FMN2: variants seen among roughly 807,000 people sequenced by gnomAD.
FMN2 encodes formin 2.
Under a neutral mutation model 142.3 loss-of-function variants are expected in FMN2, and 51 were observed. That is an observed-to-expected ratio of 0.36 (90% CI 0.29 to 0.45). The LOEUF is 0.45. FMN2 is among the 20% of genes least tolerant of loss of function. The pLI is 1.00. For synonymous variants in FMN2, 882 were observed against 869.8 expected, an observed-to-expected ratio of 1.01 and a Z score of -0.25; for missense variants, 1,936 against 2,122.8, an observed-to-expected ratio of 0.91 and a Z score of 1.73.
At chr1:240,268,655 A>G (rs1377989851) in intron 7 of FMN2, among the ~76,000 whole-genome samples, 1 of 152,016 alleles carries the variant, frequency 6.6e-6, no homozygotes, top group African/African-American at 2.4e-5. Flanking sequence ...TTGCTTTGAC[A>G]TTTTATTTTT....
In FMN2 at chr1:240,093,183, C is replaced by T. The variant is rs533630196; in HGVS notation, c.1074C>T (p.Pro358=). The T allele has an allele frequency of 1.4e-6, 2 of 1,466,636 alleles. No individual in the cohort carries two copies. The highest frequency in any genetic ancestry group is 2.8e-5 in the South Asian group (2 of 72,092). 90.9% of individuals were successfully genotyped at this position (1,466,636 alleles called of 1,614,324 possible). ...EGEEDAFEDA[P]RGSPGEEWAP... is the part of the protein sequence containing the mutation. ...AGGAGGATGCTTTTGAGGATGCGCC[C>T]CGGGGCTCTCCGGGGGAGGAGTGGG... is the stretch of plus-strand genomic sequence containing the variant. The change falls in exon 1 of 18, where the codon CCC becomes CCT. Residue 358 remains proline (P), a synonymous_variant. Transcript: ENST00000319653.
chr1:240,467,842 A>C (rs889599480), intron 16 of FMN2, among the ~76,000 whole-genome samples: 1 of 152,228 alleles, frequency 6.6e-6, no homozygotes, highest in Non-Finnish European at 1.5e-5. Context: ...AAATATTAAA[A>C]TAAACATCAA....
chr1:240,326,085 C>T (rs1285379206), intron 8 of FMN2, among the ~76,000 whole-genome samples: 1 of 151,982 alleles, frequency 6.6e-6, no homozygotes, highest in African/African-American at 2.4e-5. Context: ...CCATAAATAG[C>T]AAGAATTGAC....
At chr1:240,265,080 G>A (rs1211974393) in intron 7 of FMN2, among the ~76,000 whole-genome samples, 1 of 152,174 alleles carries the variant, frequency 6.6e-6, no homozygotes, top group Non-Finnish European at 1.5e-5. Flanking sequence ...AATGAAGCAT[G>A]TGTTACCTAA....
intron 7 of FMN2, among the ~76,000 whole-genome samples, chr1:240,290,964 C>G (rs1572160323): frequency 6.6e-6 from 1 of 151,698 alleles, no homozygotes. Flanking sequence ...CAGGCATGCA[C>G]CACCACACCT....
At chr1:240,354,456 T>C (rs1672198838) in intron 13 of FMN2, among the ~76,000 whole-genome samples, 1 of 152,182 alleles carries the variant, frequency 6.6e-6, no homozygotes. Flanking sequence ...AATTCTGTAC[T>C]GGTGGAAGTT....
intron 2 of FMN2, among the ~76,000 whole-genome samples, chr1:240,138,115 G>A (rs112004398): frequency 0.019 from 2,875 of 151,498 alleles, 74 homozygotes; most frequent in African/African-American, 0.063. Context: ...TGCTGCCTGG[G>A]ACCCAGAGGC....
intron 6 of FMN2, among the ~76,000 whole-genome samples, chr1:240,231,401 G>A (rs1461438684): frequency 1.2e-5 from 1 of 82,752 alleles, no homozygotes; most frequent in Non-Finnish European, 2.4e-5. Flanking sequence ...AGATCAAATG[G>A]CAAGGTGGTT....
intron 4 of FMN2, among the ~76,000 whole-genome samples, chr1:240,197,562 A>G (rs76659965): frequency 0.056 from 8,561 of 152,080 alleles, 339 homozygotes; most frequent in Non-Finnish European, 0.076. Context: ...ATAGTGTTAG[A>G]ATTGATTTGA....
At position 240,472,531 on chromosome 1, in the gene FMN2, T is replaced by C. The variant is rs375110486; in HGVS notation, c.5142+78T>C. Reference sequence around the variant, plus strand: ...TTTCATAATATATACAAACTCATAATATTTTAATTATTTTTCTACTAAGTG... The same window carrying C: ...TTTCATAATATATACAAACTCATAACATTTTAATTATTTTTCTACTAAGTG... On this transcript the variant is annotated intron_variant, in intron 17 of 17. Coordinates refer to ENST00000319653, the MANE Select transcript of FMN2 (RefSeq NM_020066.5). 913 of 875,402 alleles carry C rather than the reference T, an allele frequency of 1.0e-3. 14 individuals are homozygous for C. The South Asian group carries it at 0.016, about 15-fold the overall frequency. The allele number at this position is 875,402 out of a possible 1,614,324, so 54.2% of individuals were successfully genotyped here.
At chr1:240,421,575 C>G (rs1674763787) in intron 15 of FMN2, among the ~76,000 whole-genome samples, 1 of 152,054 alleles carries the variant, frequency 6.6e-6, no homozygotes, top group Non-Finnish European at 1.5e-5. Flanking sequence ...ATTGAGTTGC[C>G]TTTGTTCCTT....
intron 2 of FMN2, among the ~76,000 whole-genome samples, chr1:240,136,761 G>C (rs985854814): frequency 6.6e-6 from 1 of 151,984 alleles, no homozygotes; most frequent in Non-Finnish European, 1.5e-5. Flanking sequence ...CTTTTCTCAA[G>C]AGCCAGGAGG....
chr1:240,153,839 G>A (rs74225170), intron 2 of FMN2, among the ~76,000 whole-genome samples: 1,952 of 152,070 alleles, frequency 0.013, 84 homozygotes, highest in East Asian at 0.11. Flanking sequence ...AACACCAGCC[G>A]GGCGCTGTGG....
At chr1:240,189,043 T>C (rs976603105) in intron 4 of FMN2, among the ~76,000 whole-genome samples, 3 of 152,086 alleles carry the variant, frequency 2.0e-5, no homozygotes, top group African/African-American at 7.2e-5. Flanking sequence ...CATGTGGGAA[T>C]TATGGGAGCT....
chr1:240,145,516 CT>C, intron 2 of FMN2: 1 of 142,148 alleles, frequency 7.0e-6, no homozygotes, highest in South Asian at 2.6e-4. Flanking sequence ...GGCAATTTTT[CT>C]TTTTCTTTTT....
chr1:240,208,789 T>G, intron 5 of FMN2, 57 bp downstream of exon 5: 1 of 1,521,132 alleles, frequency 6.6e-7, no homozygotes, highest in Non-Finnish European at 8.8e-7. Flanking sequence ...GGGAAGTGTT[T>G]ACCTTCAAAC....
chr1:240,148,977 A>AAAAAAT (rs145912288), intron 2 of FMN2, among the ~76,000 whole-genome samples: 1,515 of 150,122 alleles, frequency 0.01, 23 homozygotes, highest in Middle Eastern at 0.031. Flanking sequence ...GTCTCAAAAA[A>AAAAAAT]AAATAAATAA....
chr1:240,176,436 A>C (rs1664916446), intron 2 of FMN2, among the ~76,000 whole-genome samples: 1 of 152,226 alleles, frequency 6.6e-6, no homozygotes, highest in Non-Finnish European at 1.5e-5. Context: ...ACACCAAGGA[A>C]TAGGATTCTG....
chr1:240,144,247 C>A (rs1663334535), intron 2 of FMN2: 2 of 1,589,658 alleles, frequency 1.3e-6, no homozygotes. Context: ...CAAAGCCACT[C>A]ACAAAAGAGG....
Sources: allele counts gnomAD v4.1 joint callset (sites outside exome capture counted in the v4.1 genomes callset), GRCh38; gene constraint gnomAD v4.1.1; transcripts MANE v1.5; gene names NCBI Gene and HGNC (gene_info 2026-07-23, HGNC 2026-07-21).